Variants in AUH observed in about 807,000 individuals in gnomAD.
AUH encodes the protein methylglutaconyl-CoA hydratase, mitochondrial.
AUH carries 29 observed loss-of-function variants against 42.3 expected under a neutral mutation model. That is an observed-to-expected ratio of 0.69 (90% CI 0.51 to 0.93). The LOEUF (loss-of-function observed/expected upper bound fraction) is 0.93, where lower values mean the gene tolerates loss of function less well. AUH is among the 40% of genes least tolerant of loss of function. The pLI is 0.00. For synonymous variants in AUH, 174 were observed against 166.4 expected, an observed-to-expected ratio of 1.05 and a Z score of -0.35; for missense variants, 452 against 438.1, an observed-to-expected ratio of 1.03 and a Z score of -0.28.
chr9:91,271,291 G>A (rs1423264698), intron 6 of AUH, among the ~76,000 whole-genome samples: 1 of 152,234 alleles, frequency 6.6e-6, no homozygotes, highest in African/African-American at 2.4e-5. Flanking sequence ...AATGGTAATG[G>A]TGGTATGTGC....
chr9:91,297,384 T>C (rs1229492665), intron 5 of AUH, among the ~76,000 whole-genome samples: 1 of 152,190 alleles, frequency 6.6e-6, no homozygotes, highest in Admixed American at 6.5e-5. Flanking sequence ...CATAAGATCC[T>C]CAGAAAACCA....
chr9:91,346,397 G>C (rs920357714), intron 3 of AUH, among the ~76,000 whole-genome samples: 1 of 152,190 alleles, frequency 6.6e-6, no homozygotes, highest in African/African-American at 2.4e-5. Context: ...GATGTGCTGG[G>C]TAAGTGGCAC....
At chr9:91,361,596 T>C in intron 1 of AUH, 32 bp downstream of exon 1, 1 of 1,563,832 alleles carries the variant, frequency 6.4e-7, no homozygotes, top group African/African-American at 1.4e-5. Flanking sequence ...GGCCGCCCGC[T>C]GCCCCGCGCC....
chr9:91,282,573 G>A (rs1420131574), intron 6 of AUH, among the ~76,000 whole-genome samples: 2 of 152,126 alleles, frequency 1.3e-5, no homozygotes, highest in Non-Finnish European at 2.9e-5. Flanking sequence ...AGGAGCTGAG[G>A]TCAGAGAAGT....
chr9:91,218,611 A>G, intron 7 of AUH: 1 of 985,120 alleles, frequency 1.0e-6, no homozygotes, highest in Non-Finnish European at 1.2e-6. Flanking sequence ...TAAAGTTTAG[A>G]AAGCCATGAG....
intron 1 of AUH, among the ~76,000 whole-genome samples, chr9:91,358,674 A>G (rs1037732236): frequency 6.6e-6 from 1 of 152,238 alleles, no homozygotes; most frequent in Non-Finnish European, 1.5e-5. Context: ...AATTTCTGCT[A>G]GATATGATAA....
At chr9:91,358,405 C>T (rs1442296205) in intron 1 of AUH, among the ~76,000 whole-genome samples, 1 of 152,220 alleles carries the variant, frequency 6.6e-6, no homozygotes, top group Non-Finnish European at 1.5e-5. Context: ...AAATCCCAGT[C>T]TGCCGCTTAC....
chr9:91,301,458 A>C (rs1173657472), intron 4 of AUH, among the ~76,000 whole-genome samples: 1 of 152,244 alleles, frequency 6.6e-6, no homozygotes, highest in African/African-American at 2.4e-5. Flanking sequence ...TAATCCCAGC[A>C]TTCTGGGAGG....
intron 3 of AUH, among the ~76,000 whole-genome samples, chr9:91,325,925 A>T (rs551520318): frequency 6.6e-6 from 1 of 152,282 alleles, no homozygotes; most frequent in South Asian, 2.1e-4. Context: ...GACTTCATGG[A>T]TGCCTGCCTT....
intron 6 of AUH, among the ~76,000 whole-genome samples, chr9:91,240,864 G>A (rs751521516): frequency 6.6e-6 from 1 of 151,960 alleles, no homozygotes; most frequent in Non-Finnish European, 1.5e-5. Flanking sequence ...ATTTCAACAT[G>A]CCCAATGTCT....
At chr9:91,275,982 T>C (rs1473689284) in intron 6 of AUH, among the ~76,000 whole-genome samples, 1 of 152,160 alleles carries the variant, frequency 6.6e-6, no homozygotes, top group Non-Finnish European at 1.5e-5. Flanking sequence ...AATAGCTTTC[T>C]AAAATACAGC....
intron 4 of AUH, among the ~76,000 whole-genome samples, chr9:91,308,330 C>A (rs1828391993): frequency 6.6e-6 from 1 of 152,188 alleles, no homozygotes; most frequent in Non-Finnish European, 1.5e-5. Flanking sequence ...CACTGCACTT[C>A]AGCCTGGGCA....
intron 4 of AUH, among the ~76,000 whole-genome samples, chr9:91,303,853 C>T (rs1488280048): frequency 6.6e-6 from 1 of 152,196 alleles, no homozygotes; most frequent in Admixed American, 6.5e-5. Context: ...AATGTATATT[C>T]TCCCATTCCC....
At chr9:91,314,866 A>G (rs1478399335) in intron 4 of AUH, among the ~76,000 whole-genome samples, 5 of 152,196 alleles carry the variant, frequency 3.3e-5, no homozygotes, top group Non-Finnish European at 7.4e-5. Context: ...AGAGACTACC[A>G]ACCACAGGGT....
chr9:91,359,453 G>T (rs1372511677), intron 1 of AUH, among the ~76,000 whole-genome samples: 1 of 151,722 alleles, frequency 6.6e-6, no homozygotes, highest in Non-Finnish European at 1.5e-5. Flanking sequence ...ACATAAATAG[G>T]TTCATACATT....
At chr9:91,225,172 A>C (rs868278024) in intron 6 of AUH, among the ~76,000 whole-genome samples, 10 of 152,196 alleles carry the variant, frequency 6.6e-5, no homozygotes, top group African/African-American at 2.4e-4. Flanking sequence ...AGTGCAGAAA[A>C]ACATCCCAAT....
chr9:91,348,797 G>A (rs1046612132), intron 3 of AUH, among the ~76,000 whole-genome samples: 3 of 152,122 alleles, frequency 2.0e-5, no homozygotes, highest in Admixed American at 6.5e-5. Context: ...TTTAAGTAAC[G>A]AATATGTTCT....
At chr9:91,278,033 C>G (rs983106907) in intron 6 of AUH, among the ~76,000 whole-genome samples, 1 of 152,036 alleles carries the variant, frequency 6.6e-6, no homozygotes, top group African/African-American at 2.4e-5. Context: ...GTAGAGGCAG[C>G]AGGTGAGTTT....
intron 6 of AUH, among the ~76,000 whole-genome samples, chr9:91,284,249 T>G (rs890625870): frequency 6.6e-6 from 1 of 152,144 alleles, no homozygotes; most frequent in Non-Finnish European, 1.5e-5. Context: ...CTGGGAAAAC[T>G]GGCTAGCCAT....
Sources: gnomAD v4.1 joint callset for allele counts (sites outside exome capture counted in the v4.1 genomes callset) on GRCh38, gnomAD v4.1.1 for gene constraint, MANE v1.5 for transcripts, NCBI Gene and HGNC (gene_info 2026-07-23, HGNC 2026-07-21) for gene names.